Variants in LAMB2 observed in about 807,000 individuals in gnomAD.
LAMB2 encodes laminin subunit beta 2, also known as laminin subunit beta-2.
Under a neutral mutation model 202.7 loss-of-function variants are expected in LAMB2, and 119 were observed. That is an observed-to-expected ratio of 0.59 (90% CI 0.51 to 0.68). The LOEUF is 0.68. LAMB2 is among the 30% of genes least tolerant of loss of function. The probability of loss-of-function intolerance (pLI) is 0.00; values close to 1 mark genes in which losing one functional copy is unlikely to be tolerated. For missense variants in LAMB2, 2,124 were observed against 2,410.6 expected (o/e 0.88, Z 2.49); for synonymous variants, 818 against 902.2 (o/e 0.91, Z 1.67).
Position 49,125,081 on chromosome 3 carries a change from G to A in LAMB2, c.2809C>T (p.Arg937Trp), listed in dbSNP as rs745926869. 18 of 1,613,832 alleles carry A rather than the reference G, an allele frequency of 1.1e-5. No homozygotes were observed. Among genetic ancestry groups the A allele is most frequent in the African/African-American group, 6.7e-5 (5 of 74,936 alleles). The change falls in exon 20 of 32, where the codon CGG becomes TGG. Residue 937 changes from arginine (R) to tryptophan (W), a missense_variant. Physicochemically the swap from Arg to Trp is moderately radical, Grantham distance 101. Coordinates refer to ENST00000305544, the MANE Select transcript of LAMB2 (RefSeq NM_002292.4). The part of the protein sequence containing the change: ...CPCPEGPGSQ[R>W]HFATSCHQDE... The stretch of plus-strand genomic sequence containing the variant: ...TGGTGGCAAGAAGTAGCAAAGTGCC[G>A]TTGGCTCCCAGGGCCTTCAGGACAG...
At chr3:49,128,210 A>G (rs2045441999) in intron 15 of LAMB2, among the ~76,000 whole-genome samples, 1 of 152,184 alleles carries the variant, frequency 6.6e-6, no homozygotes, top group African/African-American at 2.4e-5. Context: ...TAGTGACACC[A>G]GGTGATTTCC....
Position 49,129,342 on chromosome 3 carries a change from CT to C in LAMB2, c.1519-19del, listed in dbSNP as rs781633935. On this transcript the variant is annotated intron_variant, in intron 11 of 31. Coordinates refer to ENST00000305544, the MANE Select transcript of LAMB2 (RefSeq NM_002292.4). The surrounding 1 kb of genome is among the most constrained non-coding windows in gnomAD (Gnocchi z 6.1). ...TGGCCAGGCTGCACGAAAGGAGTTGCTGGGGGCCAGAAACAGACCTCCAGAC... is the reference window on the plus strand; with the variant it reads ...TGGCCAGGCTGCACGAAAGGAGTTGCGGGGGCCAGAAACAGACCTCCAGAC... 1.9e-6 allele frequency: 3 copies of C among 1,608,538 alleles called. No homozygotes were observed. The highest frequency in any genetic ancestry group is 2.5e-6 in the Non-Finnish European group (3 of 1,177,512).
Position 49,130,178 on chromosome 3 carries a change from T to C in LAMB2, c.1225+53A>G. On this transcript the variant is annotated intron_variant, in intron 9 of 31. Coordinates refer to ENST00000305544, the MANE Select transcript of LAMB2 (RefSeq NM_002292.4). This position sits in a 1 kb window ranked among gnomAD's most constrained non-coding sequence, Gnocchi z 5.0. Reference sequence around the variant, plus strand: ...CAATTTAGACAGCAGTCCAGCTCTCTAGTTCCTGCCCCAGGCTCAGCTTTC... The same window carrying C: ...CAATTTAGACAGCAGTCCAGCTCTCCAGTTCCTGCCCCAGGCTCAGCTTTC... The C allele has an allele frequency of 6.2e-7, 1 of 1,605,784 alleles. No individual in the cohort carries two copies. Among genetic ancestry groups the C allele is most frequent in the Non-Finnish European group, 8.5e-7 (1 of 1,174,576 alleles).
At position 49,124,460 on chromosome 3, in the gene LAMB2, TG is replaced by T. The variant is rs1406988297; in HGVS notation, c.3261del (p.Ser1088ValfsTer63). On this transcript the variant is annotated frameshift_variant, in exon 22 of 32. Coordinates refer to ENST00000305544, the MANE Select transcript of LAMB2 (RefSeq NM_002292.4). LOFTEE classifies it high-confidence loss of function. ...GCACAAGGCTGGCAACCATGGCCAC[TG>T]GTGAGGTTCCAGAAGTTGGGGGCAC... is the stretch of plus-strand genomic sequence containing the variant. ...DRCAPNFWNL[T>X]SGHGCQPCAC... is the part of the protein sequence containing the mutation. 1 of 1,613,536 alleles carries T rather than the reference TG, an allele frequency of 6.2e-7. No homozygotes were observed. The highest frequency in any genetic ancestry group is 8.5e-7 in the Non-Finnish European group (1 of 1,180,042).
chr3:49,126,103 A>G lies in LAMB2; in HGVS notation c.2208T>C (p.Ala736=), dbSNP rs1024359496. 1.5e-5 allele frequency: 25 copies of G among 1,613,760 alleles called. No individual in the cohort carries two copies. Among genetic ancestry groups the G allele is most frequent in the Non-Finnish European group, 2.1e-5 (25 of 1,180,016 alleles). ...CAAAGGTGGCCTGGCGCTCCAGGGC[A>G]GCAGCATCACCCCCACTAAACATCT... ...VLEMFSGGDA[A]ALERQATFER... Residue 736 remains alanine, a synonymous_variant, in exon 17 of 32, where the codon GCT becomes GCC. Transcript: ENST00000305544.
chr3:49,129,450 TG>T lies in LAMB2; in HGVS notation c.1519-127del. The T allele has an allele frequency of 9.1e-7, 1 of 1,098,844 alleles. No individual in the cohort carries two copies. Among genetic ancestry groups the T allele is most frequent in the Non-Finnish European group, 1.4e-6 (1 of 734,364 alleles). The allele number at this position is 1,098,844 out of a possible 1,614,324, so 68.1% of individuals were successfully genotyped here. A position where few individuals can be genotyped will look rare whatever the true frequency, so the allele number is the denominator to read the frequency against. On this transcript the variant is annotated intron_variant, in intron 11 of 31. Coordinates refer to ENST00000305544, the MANE Select transcript of LAMB2 (RefSeq NM_002292.4). The surrounding 1 kb of genome is among the most constrained non-coding windows in gnomAD (Gnocchi z 6.1). ...AGTGAAAACATGCCCCCCAGACCAC[TG>T]GCCCACATCCTTGGCCTCCCAGACC... is the stretch of plus-strand genomic sequence containing the variant.
Position 49,126,065 on chromosome 3 carries a change from C to T in LAMB2, c.2246G>A (p.Cys749Tyr). 1 of 1,614,110 alleles carries T rather than the reference C, an allele frequency of 6.2e-7. No individual in the cohort carries two copies. The highest frequency in any genetic ancestry group is 8.5e-7 in the Non-Finnish European group (1 of 1,180,036). The change falls in exon 17 of 32, where the codon TGC (cysteine) becomes TAC (tyrosine). Residue 749 changes from cysteine to tyrosine, a missense_variant. By Grantham distance (194) the Cys-to-Tyr change is radical (BLOSUM62 -2). Around this residue, in one of 3 missense-constraint regions of LAMB2, gnomAD observed 1,702 missense variants for 1,896.3 expected, o/e 0.90. Transcript: ENST00000305544. ...GCTGGGCACCAGACCCTCCTCATGG[C>T]ATTGGTAGCGTTCAAAGGTGGCCTG... ...ERQATFERYQ[C>Y]HEEGLVPSKT...
chr3:49,127,969 G>A (rs1187205320), intron 15 of LAMB2, among the ~76,000 whole-genome samples: 5 of 133,214 alleles, frequency 3.8e-5, no homozygotes, highest in Admixed American at 3.5e-4. Context: ...ACAGTGAGCC[G>A]AGATCGCACC....
At position 49,130,537 on chromosome 3, in the gene LAMB2, C is replaced by A; in HGVS notation, c.1037-118G>T. On this transcript the variant is annotated intron_variant, in intron 8 of 31. Coordinates refer to ENST00000305544, the MANE Select transcript of LAMB2 (RefSeq NM_002292.4). This position sits in a 1 kb window ranked among gnomAD's most constrained non-coding sequence, Gnocchi z 5.0. ...GAATTTGTGGGTAGGGGCTCAGGGACTTCAAGGCCTCAGCATCATACTGGT... is the reference window on the plus strand; with the variant it reads ...GAATTTGTGGGTAGGGGCTCAGGGAATTCAAGGCCTCAGCATCATACTGGT... 1 of 1,373,980 alleles carries A rather than the reference C, an allele frequency of 7.3e-7. No individual in the cohort carries two copies. 85.1% of individuals were successfully genotyped at this position (1,373,980 alleles called of 1,614,324 possible).
At chr3:49,126,635 A>G (rs2045419221) in intron 15 of LAMB2, 138 bp from the exon 16 acceptor site, 1 of 1,059,080 alleles carries the variant, frequency 9.4e-7, no homozygotes, top group South Asian at 1.5e-5. Flanking sequence ...GGGCTGCGCT[A>G]GGCCAACAAA....
Position 49,129,585 on chromosome 3 carries a change from C to T in LAMB2, c.1518+19G>A, listed in dbSNP as rs2045459248. 2 of 1,591,410 alleles carry T rather than the reference C, an allele frequency of 1.3e-6. No homozygotes were observed. The highest frequency in any genetic ancestry group is 1.7e-6 in the Non-Finnish European group (2 of 1,159,726). On this transcript the variant is annotated intron_variant, in intron 11 of 31. Coordinates refer to ENST00000305544, the MANE Select transcript of LAMB2 (RefSeq NM_002292.4). The surrounding 1 kb of genome is among the most constrained non-coding windows in gnomAD (Gnocchi z 6.1). ...AGGACAAATCATGCCCCTAGAACTC[C>T]AGCCCCTTCCAGTCGCACCAGGCAG...
Position 49,123,816 on chromosome 3 carries a change from TCTC to T in LAMB2, c.3706_3708del (p.Glu1236del). 1 of 1,613,248 alleles carries T rather than the reference TCTC, an allele frequency of 6.2e-7. No individual in the cohort carries two copies. The highest frequency in any genetic ancestry group is 8.5e-7 in the Non-Finnish European group (1 of 1,179,920). On this transcript the variant is annotated inframe_deletion, in exon 24 of 32. Coordinates refer to ENST00000305544, the MANE Select transcript of LAMB2 (RefSeq NM_002292.4). ...ACGATGCCCTGCACAATGCCCAGCT[TCTC>T]CTGCATGTGCCAGAAGCTGCTCTCA... is the stretch of plus-strand genomic sequence containing the variant.
intron 15 of LAMB2, 40 bp downstream of exon 15, chr3:49,128,418 A>C: frequency 6.2e-7 from 1 of 1,606,200 alleles, no homozygotes; most frequent in South Asian, 1.1e-5. Flanking sequence ...CTGGCCCCAC[A>C]ACCCCCTGCC....
In LAMB2 at chr3:49,123,879, G is replaced by T; in HGVS notation, c.3646C>A (p.Gln1216Lys). ...AGCACACCCGTCTGTTGCAACTCCT[G>T]CGCCCGCTGCTCTAGGCGCTGTGTA... ...ARTQRLEQRA[Q>K]ELQQTGVLGA... Residue 1216 changes from glutamine (Q) to lysine (K), a missense_variant, in exon 24 of 32, where the codon CAG becomes AAG. Coordinates refer to ENST00000305544, the MANE Select transcript of LAMB2 (RefSeq NM_002292.4). The T allele has an allele frequency of 2.5e-6, 4 of 1,613,480 alleles. No individual in the cohort carries two copies. Among genetic ancestry groups the T allele is most frequent in the Non-Finnish European group, 3.4e-6 (4 of 1,180,006 alleles).
Position 49,125,087 on chromosome 3 carries a change from T to A in LAMB2, c.2803A>T (p.Ser935Cys). Residue 935 changes from serine to cysteine, a missense_variant, in exon 20 of 32, where the codon AGC becomes TGC. This residue lies in a region of LAMB2 where 1,702 missense variants were observed against 1,896.3 expected (regional missense o/e 0.90). Coordinates refer to ENST00000305544, the MANE Select transcript of LAMB2 (RefSeq NM_002292.4). ...CAAGAAGTAGCAAAGTGCCGTTGGCTCCCAGGGCCTTCAGGACAGGGACAG... is the reference window on the plus strand; with the variant it reads ...CAAGAAGTAGCAAAGTGCCGTTGGCACCCAGGGCCTTCAGGACAGGGACAG... ...RPCPCPEGPG[S>C]QRHFATSCHQ... The A allele has an allele frequency of 6.2e-7, 1 of 1,613,874 alleles. No homozygotes were observed. Among genetic ancestry groups the A allele is most frequent in the Non-Finnish European group, 8.5e-7 (1 of 1,180,026 alleles).
chr3:49,131,012 A>G lies in LAMB2; in HGVS notation c.853T>C (p.Cys285Arg), dbSNP rs538279286. ...YELVVRGNCF[C>R]YGHASECAPA... is the part of the protein sequence containing the mutation. ...GCACACTCTGAGGCGTGTCCGTAGC[A>G]GAAGCAGTTGCCACGTACAACCAGC... Residue 285 changes from cysteine to arginine, a missense_variant, in exon 7 of 32, where the codon TGC becomes CGC. Around this residue, in one of 3 missense-constraint regions of LAMB2, gnomAD observed 256 missense variants for 356.1 expected, o/e 0.72. Coordinates refer to ENST00000305544, the MANE Select transcript of LAMB2 (RefSeq NM_002292.4). The surrounding 1 kb of genome is among the most constrained non-coding windows in gnomAD (Gnocchi z 5.0). The G allele has an allele frequency of 1.2e-6, 2 of 1,614,006 alleles. No homozygotes were observed. Among genetic ancestry groups the G allele is most frequent in the Admixed American group, 1.7e-5 (1 of 60,036 alleles).
chr3:49,128,445 C>A lies in LAMB2; in HGVS notation c.2018+13G>T. The A allele has an allele frequency of 6.2e-7, 1 of 1,613,252 alleles. No individual in the cohort carries two copies. Among genetic ancestry groups the A allele is most frequent in the Non-Finnish European group, 8.5e-7 (1 of 1,179,804 alleles). On this transcript the variant is annotated intron_variant, in intron 15 of 31. Coordinates refer to ENST00000305544, the MANE Select transcript of LAMB2 (RefSeq NM_002292.4). ...CCCCCTGCCATTGTGAGTGCTACCA[C>A]CAGTGCCCTCACCTGGCATGTGGTT...
At chr3:49,126,325 C>A (rs575656583) in intron 16 of LAMB2, 40 bp downstream of exon 16, 3 of 1,614,016 alleles carry the variant, frequency 1.9e-6, no homozygotes, top group Non-Finnish European at 2.5e-6. Context: ...ACCACGGGCC[C>A]TGCCATCTTG....
At position 49,129,278 on chromosome 3, in the gene LAMB2, CA is replaced by C. The variant is rs1377725272; in HGVS notation, c.1564del (p.Cys522ValfsTer46). 10 of 1,613,646 alleles carry C rather than the reference CA, an allele frequency of 6.2e-6. No homozygotes were observed. The highest frequency in any genetic ancestry group is 8.5e-6 in the Non-Finnish European group (10 of 1,179,880). The stretch of plus-strand genomic sequence containing the variant: ...CAAAGCACCACCCACGTCGCAGTCA[CA>C]GGGGCGGCAGCCGAGCAGGTCGTGG... ...LSHDLLGCRP[C>X]DCDVGGALDP... On this transcript the variant is annotated frameshift_variant, in exon 12 of 32. Transcript: ENST00000305544. LOFTEE classifies it high-confidence loss of function. The surrounding 1 kb of genome is among the most constrained non-coding windows in gnomAD (Gnocchi z 6.1).
Sources: allele counts gnomAD v4.1 joint callset (sites outside exome capture counted in the v4.1 genomes callset), GRCh38; gene constraint gnomAD v4.1.1; regional missense constraint gnomAD v4.1.1; non-coding constraint Gnocchi (gnomAD v3.1); transcripts MANE v1.5; gene names NCBI Gene and HGNC (gene_info 2026-07-23, HGNC 2026-07-21).